Variants in ATP8A2 observed in about 807,000 individuals in gnomAD.
The protein encoded by ATP8A2 is ATPase phospholipid transporting 8A2.
Under a neutral mutation model 165.6 loss-of-function variants are expected in ATP8A2, and 100 were observed. The ratio of observed to expected loss-of-function variants is 0.60; its 90% confidence interval spans 0.51 to 0.71. The LOEUF is 0.71. Ranked by LOEUF, ATP8A2 falls within the 30% of genes least tolerant of loss-of-function variation. The pLI is 0.00. For missense variants in ATP8A2, 1,227 were observed against 1,479.5 expected, an observed-to-expected ratio of 0.83 and a Z score of 2.80; for synonymous variants, 543 against 548.8, an observed-to-expected ratio of 0.99 and a Z score of 0.15.
chr13:25,568,910 A>C (rs1278755638), intron 16 of ATP8A2, among the ~76,000 whole-genome samples: 1 of 152,172 alleles, frequency 6.6e-6, no homozygotes, highest in African/African-American at 2.4e-5. Flanking sequence ...ATAGGAAGAA[A>C]ACCAATGATA....
chr13:25,818,806 A>G (rs1446336814), intron 27 of ATP8A2, among the ~76,000 whole-genome samples: 1 of 152,200 alleles, frequency 6.6e-6, no homozygotes, highest in Non-Finnish European at 1.5e-5. Flanking sequence ...CCTGTGTGCT[A>G]GATCCTAGGT....
chr13:25,555,424 C>T (rs957638582), intron 13 of ATP8A2, among the ~76,000 whole-genome samples: 2 of 151,972 alleles, frequency 1.3e-5, no homozygotes, highest in Non-Finnish European at 2.9e-5. Flanking sequence ...CCCTACAAAA[C>T]GTGTGGGGGC....
At chr13:25,854,403 A>G (rs1952095104) in intron 30 of ATP8A2, among the ~76,000 whole-genome samples, 1 of 152,128 alleles carries the variant, frequency 6.6e-6, no homozygotes, top group African/African-American at 2.4e-5. Context: ...TGGTGTGATC[A>G]TAGCTCACTG....
intron 1 of ATP8A2, among the ~76,000 whole-genome samples, chr13:25,431,912 C>T (rs969079308): frequency 6.6e-6 from 1 of 152,148 alleles, no homozygotes; most frequent in African/African-American, 2.4e-5. Flanking sequence ...TCTCCCAGCT[C>T]CTGAAAATCA....
chr13:25,460,474 T>A (rs1031195704), intron 1 of ATP8A2, among the ~76,000 whole-genome samples: 1 of 152,230 alleles, frequency 6.6e-6, no homozygotes, highest in Non-Finnish European at 1.5e-5. Context: ...CCAACCCATA[T>A]GAAAAATTAC....
chr13:25,417,960 G>A (rs1043277497), intron 1 of ATP8A2, among the ~76,000 whole-genome samples: 2 of 152,180 alleles, frequency 1.3e-5, no homozygotes. Flanking sequence ...GGTGCTCTGT[G>A]TACCATGATC....
intron 1 of ATP8A2, among the ~76,000 whole-genome samples, chr13:25,453,069 G>A (rs973879264): frequency 1.3e-5 from 2 of 152,050 alleles, no homozygotes; most frequent in Non-Finnish European, 2.9e-5. Flanking sequence ...ACTCCAGCCT[G>A]GGTGACAGAG....
intron 29 of ATP8A2, among the ~76,000 whole-genome samples, 155 bp downstream of exon 29, chr13:25,837,440 C>G (rs1384190852): frequency 2.7e-5 from 4 of 146,840 alleles, no homozygotes; most frequent in Non-Finnish European, 4.4e-5. Context: ...CACACACACA[C>G]ACACACACAC....
chr13:25,762,268 CAAAAAAA>C (rs59081934), intron 25 of ATP8A2, among the ~76,000 whole-genome samples: 111 of 41,306 alleles, frequency 2.7e-3, no homozygotes, highest in Non-Finnish European at 3.7e-3. Context: ...GACTCTGTCT[CAAAAAAA>C]AAAAAAAAAA....
intron 33 of ATP8A2, among the ~76,000 whole-genome samples, chr13:25,943,217 C>T (rs760354291): frequency 2.0e-5 from 3 of 152,104 alleles, no homozygotes; most frequent in Admixed American, 6.6e-5. Context: ...ATAGTTCAGC[C>T]GTTGCAAGCT....
intron 11 of ATP8A2, among the ~76,000 whole-genome samples, chr13:25,552,266 T>A (rs12428384): frequency 6.6e-6 from 1 of 151,930 alleles, no homozygotes; most frequent in Admixed American, 6.6e-5. Flanking sequence ...GGATTACAGG[T>A]GTGAGTCACC....
chr13:25,809,651 T>C (rs1463501057), intron 27 of ATP8A2, among the ~76,000 whole-genome samples: 1 of 152,094 alleles, frequency 6.6e-6, no homozygotes, highest in East Asian at 1.9e-4. Flanking sequence ...TTTGAAAGGT[T>C]GGTGGGTCTC....
chr13:25,695,823 GA>G (rs34297511), intron 24 of ATP8A2, among the ~76,000 whole-genome samples: 39,626 of 152,000 alleles, frequency 0.26, 5,480 homozygotes, highest in South Asian at 0.47. Context: ...AGTTATGCAT[GA>G]GGGTTGAAAT....
chr13:25,714,871 G>A (rs1369555290), intron 25 of ATP8A2, among the ~76,000 whole-genome samples: 2 of 152,200 alleles, frequency 1.3e-5, no homozygotes, highest in Non-Finnish European at 2.9e-5. Context: ...ACCCATGTAA[G>A]AGAATGCAAA....
intron 27 of ATP8A2, among the ~76,000 whole-genome samples, chr13:25,809,270 A>T (rs1419968764): frequency 1.3e-5 from 2 of 152,146 alleles, no homozygotes; most frequent in Non-Finnish European, 2.9e-5. Flanking sequence ...ATGGAAGCCC[A>T]AACCTCAGCA....
chr13:25,656,069 C>A (rs1400763650), intron 24 of ATP8A2, among the ~76,000 whole-genome samples: 4 of 152,158 alleles, frequency 2.6e-5, no homozygotes, highest in African/African-American at 7.2e-5. Context: ...TCTGACTCCC[C>A]CTGTGTAACC....
At chr13:25,537,924 T>C in intron 6 of ATP8A2, 64 bp from the exon 7 acceptor site, 1 of 1,175,424 alleles carries the variant, frequency 8.5e-7, no homozygotes, top group Non-Finnish European at 1.3e-6. Flanking sequence ...TAAGCACCTT[T>C]TTCACCATGT....
At chr13:25,538,766 A>G (rs2038368610) in intron 7 of ATP8A2, among the ~76,000 whole-genome samples, 2 of 152,172 alleles carry the variant, frequency 1.3e-5, no homozygotes, top group Admixed American at 6.5e-5. Context: ...ACTGTTGGGA[A>G]TCATAGATCG....
At chr13:25,911,216 C>T (rs1268058715) in intron 33 of ATP8A2, among the ~76,000 whole-genome samples, 1 of 152,142 alleles carries the variant, frequency 6.6e-6, no homozygotes, top group Non-Finnish European at 1.5e-5. Context: ...AATAGACTTG[C>T]CAAGATGACA....
Sources: gnomAD v4.1 joint callset for allele counts (sites outside exome capture counted in the v4.1 genomes callset) on GRCh38, gnomAD v4.1.1 for gene constraint, MANE v1.5 for transcripts, NCBI Gene and HGNC (gene_info 2026-07-23, HGNC 2026-07-21) for gene names.